Variants in MARCHF1 observed in about 807,000 individuals in gnomAD.
The protein encoded by MARCHF1 is E3 ubiquitin-protein ligase MARCHF1.
MARCHF1 carries 40 observed loss-of-function variants against 54.2 expected under a neutral mutation model. The observed-to-expected ratio is 0.74, with a 90% CI of 0.57 to 0.96. The LOEUF (loss-of-function observed/expected upper bound fraction) is 0.96. Ranked by LOEUF, MARCHF1 falls within the 40% of genes least tolerant of loss-of-function variation. The pLI is 0.00. For synonymous variants in MARCHF1, 236 were observed against 236.3 expected (o/e 1.00, Z 0.01); for missense variants, 586 against 656.5 (o/e 0.89, Z 1.17).
At chr4:164,241,068 T>C (rs1198460902) in intron 1 of MARCHF1, among the ~76,000 whole-genome samples, 1 of 152,088 alleles carries the variant, frequency 6.6e-6, no homozygotes, top group Non-Finnish European at 1.5e-5. Flanking sequence ...TCAGAGATTT[T>C]TTTTAGACTT....
intron 3 of MARCHF1, among the ~76,000 whole-genome samples, chr4:163,958,439 TTAA>T (rs1367544564): frequency 3.9e-5 from 6 of 152,074 alleles, no homozygotes; most frequent in Non-Finnish European, 7.4e-5. Flanking sequence ...TAGCAGGCAT[TTAA>T]TAATGATTAG....
intron 1 of MARCHF1, among the ~76,000 whole-genome samples, chr4:164,346,950 A>T (rs1730123624): frequency 6.6e-6 from 1 of 151,752 alleles, no homozygotes; most frequent in East Asian, 1.9e-4. Context: ...AATTTAGAAA[A>T]CTCCCTGTTT....
At chr4:163,825,599 G>A (rs1269299181) in intron 4 of MARCHF1, among the ~76,000 whole-genome samples, 2 of 151,958 alleles carry the variant, frequency 1.3e-5, no homozygotes, top group Non-Finnish European at 2.9e-5. Context: ...AATCTTGCCA[G>A]CATCTGCTAC....
rs375374249 is a variant in MARCHF1, at chr4:163,797,511, A to T, written c.111+56510T>A. ...GTTATTTCCTTCTAGAACTCAGGAT[A>T]GATTGGTATATATTAGACATGTTCA... On this transcript the variant is annotated intron_variant, in intron 4 of 9. Transcript: ENST00000514618. 2.6e-5 allele frequency among the ~76,000 whole-genome samples: 4 copies of T among 152,010 alleles called. No individual in the cohort carries two copies. The East Asian group carries it at 5.8e-4, about 22-fold the overall frequency.
At chr4:164,379,591 T>C (rs1202650285) in intron 1 of MARCHF1, among the ~76,000 whole-genome samples, 1 of 152,098 alleles carries the variant, frequency 6.6e-6, no homozygotes, top group African/African-American at 2.4e-5. Flanking sequence ...AAGAAAATAA[T>C]GGCAAATGAA....
chr4:163,769,215 A>G, intron 4 of MARCHF1, among the ~76,000 whole-genome samples: 1 of 152,188 alleles, frequency 6.6e-6, no homozygotes, highest in Non-Finnish European at 1.5e-5. Flanking sequence ...ATTAAGAAAA[A>G]CAATCATTCT....
intron 1 of MARCHF1, among the ~76,000 whole-genome samples, chr4:164,328,196 A>G (rs951462933): frequency 6.6e-6 from 1 of 152,204 alleles, no homozygotes; most frequent in Admixed American, 6.5e-5. Context: ...ATATCTAAAT[A>G]AGTAAAGAAA....
intron 4 of MARCHF1, among the ~76,000 whole-genome samples, chr4:163,842,526 A>T (rs1043335819): frequency 6.6e-6 from 1 of 152,068 alleles, no homozygotes; most frequent in Admixed American, 6.6e-5. Context: ...GTCTTAGAGC[A>T]TGGATCCTAA....
rs149566939 is a variant in MARCHF1 at position 164,017,917 on chromosome 4, G to A, written c.-247-29208C>T. 3.4e-3 allele frequency among the ~76,000 whole-genome samples: 508 copies of A among 151,060 alleles called. 2 individuals carry two copies. The highest frequency in any genetic ancestry group is 0.012 in the African/African-American group (484 of 41,328). On this transcript the variant is annotated intron_variant, in intron 2 of 9. Coordinates refer to ENST00000514618, the MANE Select transcript of MARCHF1 (RefSeq NM_001394959.1). ...TTCAAGATTTTATAAAAAGCCACAG[G>A]AATTAAAACTTTGTGGTGTAGGTAT...
chr4:163,612,472 T>G lies in MARCHF1; in HGVS notation c.809A>C (p.His270Pro), dbSNP rs1435078533. ...NHEKSKGRYH[H>P]RDPQLLQSLR... ...ACTTTGCAAGAGCTGAGGATCTCTG[T>G]GGTGATATCTGCCTTTGCTCTTCTC... The change falls in exon 7 of 10, where the codon CAC (histidine) becomes CCC (proline). Residue 270 changes from histidine to proline, a missense_variant. By Grantham distance (77) the His-to-Pro change is moderately conservative. Coordinates refer to ENST00000514618, the MANE Select transcript of MARCHF1 (RefSeq NM_001394959.1). The G allele has an allele frequency of 6.5e-7, 1 of 1,535,290 alleles. No homozygotes were observed. Among genetic ancestry groups the G allele is most frequent in the East Asian group, 2.4e-5 (1 of 40,902 alleles).
At chr4:163,951,050 C>T (rs1263937314) in intron 3 of MARCHF1, among the ~76,000 whole-genome samples, 2 of 152,066 alleles carry the variant, frequency 1.3e-5, no homozygotes, top group African/African-American at 4.8e-5. Context: ...AATGAGAGCA[C>T]ACAAAAATAT....
At chr4:164,073,348 G>T (rs1042306545) in intron 2 of MARCHF1, among the ~76,000 whole-genome samples, 1 of 152,160 alleles carries the variant, frequency 6.6e-6, no homozygotes, top group Non-Finnish European at 1.5e-5. Context: ...CCTTTGCAGG[G>T]ATATGGATGA....
At chr4:164,094,004 T>C (rs557328210) in intron 2 of MARCHF1, among the ~76,000 whole-genome samples, 2 of 152,282 alleles carry the variant, frequency 1.3e-5, no homozygotes, top group East Asian at 1.9e-4. Context: ...GATTAGCACA[T>C]GTCCAAATTT....
intron 1 of MARCHF1, among the ~76,000 whole-genome samples, chr4:164,158,117 G>A (rs1730126003): frequency 1.3e-5 from 2 of 152,112 alleles, no homozygotes; most frequent in Admixed American, 6.6e-5. Context: ...GAAATGACAA[G>A]TTCTTATATT....
intron 1 of MARCHF1, among the ~76,000 whole-genome samples, chr4:164,301,835 G>A (rs146743153): frequency 3.2e-4 from 48 of 152,290 alleles, no homozygotes; most frequent in African/African-American, 8.2e-4. Flanking sequence ...GAATTTGGCT[G>A]ACTTTGACAG....
At chr4:164,259,544 C>CAAAAAA (rs141030578) in intron 1 of MARCHF1, among the ~76,000 whole-genome samples, 78 of 58,808 alleles carry the variant, frequency 1.3e-3, no homozygotes, top group African/African-American at 2.8e-3. Context: ...GACCGTGTCT[C>CAAAAAA]AAAAAAAAAA....
chr4:164,321,604 A>G (rs1243053825), intron 1 of MARCHF1, among the ~76,000 whole-genome samples: 1 of 152,166 alleles, frequency 6.6e-6, no homozygotes, highest in East Asian at 1.9e-4. Context: ...CATCTAGAAG[A>G]CCCCTGAAAT....
At chr4:164,042,675 C>T (rs1254928526) in intron 2 of MARCHF1, among the ~76,000 whole-genome samples, 2 of 152,114 alleles carry the variant, frequency 1.3e-5, no homozygotes, top group East Asian at 1.9e-4. Flanking sequence ...CTCAGCAGTC[C>T]CCCAGTCTTA....
At chr4:163,890,685 G>C (rs1750642385) in intron 3 of MARCHF1, among the ~76,000 whole-genome samples, 1 of 151,998 alleles carries the variant, frequency 6.6e-6, no homozygotes, top group Non-Finnish European at 1.5e-5. Flanking sequence ...TTTGATTCGG[G>C]AGTATTTACA....
Sources: gnomAD v4.1 joint callset for allele counts (sites outside exome capture counted in the v4.1 genomes callset) on GRCh38, gnomAD v4.1.1 for gene constraint, MANE v1.5 for transcripts, NCBI Gene and HGNC (gene_info 2026-07-23, HGNC 2026-07-21) for gene names.